Variants in LMX1A observed in about 807,000 individuals in gnomAD.
LMX1A encodes the protein LIM homeobox transcription factor 1 alpha.
LMX1A carries 15 observed loss-of-function variants against 49.1 expected under a neutral mutation model. The observed-to-expected ratio is 0.31, with a 90% CI of 0.20 to 0.47. The LOEUF (loss-of-function observed/expected upper bound fraction) is 0.47. Among genes scored for constraint, LMX1A ranks in the 20% least tolerant of loss-of-function variants. The pLI is 1.00. For synonymous variants in LMX1A, 167 were observed against 185.7 expected, an observed-to-expected ratio of 0.90 and a Z score of 0.82; for missense variants, 372 against 475.8, an observed-to-expected ratio of 0.78 and a Z score of 2.03.
rs1557894913 is a variant in LMX1A, at chr1:165,355,317, G to T, written c.76+167C>A. Reference sequence around the variant, plus strand: ...GCGGCTTGTTGGATTTATTTGGGTAGGGACGACCCACAAGCACTGACGGAC... The same window carrying T: ...GCGGCTTGTTGGATTTATTTGGGTATGGACGACCCACAAGCACTGACGGAC... On this transcript the variant is annotated intron_variant, in intron 2 of 8. Coordinates refer to ENST00000342310, the MANE Select transcript of LMX1A (RefSeq NM_177398.4). The surrounding 1 kb of genome is among the most constrained non-coding windows in gnomAD (Gnocchi z 4.7). Among the ~76,000 whole-genome samples the T allele has an allele frequency of 6.6e-6, 1 of 152,088 alleles. No individual in the cohort carries two copies. Among genetic ancestry groups the T allele is most frequent in the Non-Finnish European group, 1.5e-5 (1 of 68,022 alleles).
At chr1:165,344,019 T>A (rs538891724) in intron 3 of LMX1A, among the ~76,000 whole-genome samples, 1 of 152,184 alleles carries the variant, frequency 6.6e-6, no homozygotes, top group Non-Finnish European at 1.5e-5. Flanking sequence ...CAAAGTAATA[T>A]GAACCATAAA....
intron 3 of LMX1A, among the ~76,000 whole-genome samples, chr1:165,277,264 T>TCACC (rs1165154962): frequency 6.6e-6 from 1 of 151,904 alleles, no homozygotes. Flanking sequence ...AAGGTGGGGG[T>TCACC]CAGAAAGGCT....
chr1:165,333,955 T>A (rs367680650), intron 3 of LMX1A, among the ~76,000 whole-genome samples: 1 of 152,236 alleles, frequency 6.6e-6, no homozygotes, highest in South Asian at 2.1e-4. Context: ...TTGCATAGAA[T>A]GTCTCATTTG....
At position 165,346,348 on chromosome 1, in the gene LMX1A, T is replaced by A. The variant is rs1300028764; in HGVS notation, c.263+6728A>T. Among the ~76,000 whole-genome samples, 5 of 152,342 alleles carry A rather than the reference T, an allele frequency of 3.3e-5. No homozygotes were observed. The South Asian group carries it at 1.0e-3, about 32-fold the overall frequency. ...TGGAATCTTGAAAGGCTGGAAGAGATCAAACTCTTTCATGTGACTTCAGTT... is the reference window on the plus strand; with the variant it reads ...TGGAATCTTGAAAGGCTGGAAGAGAACAAACTCTTTCATGTGACTTCAGTT... On this transcript the variant is annotated intron_variant, in intron 3 of 8. Coordinates refer to ENST00000342310, the MANE Select transcript of LMX1A (RefSeq NM_177398.4).
chr1:165,251,962 G>A (rs923848440), intron 3 of LMX1A, among the ~76,000 whole-genome samples: 4 of 152,162 alleles, frequency 2.6e-5, no homozygotes, highest in African/African-American at 7.2e-5. Context: ...ATCTTGGGCA[G>A]GTTGTTTAGC....
At chr1:165,214,209 A>T (rs1420471160) in intron 4 of LMX1A, among the ~76,000 whole-genome samples, 1 of 152,114 alleles carries the variant, frequency 6.6e-6, no homozygotes. Context: ...TGTGATAGTG[A>T]GTGAGTTCTC....
chr1:165,223,556 T>C (rs1189359414), intron 4 of LMX1A, among the ~76,000 whole-genome samples: 3 of 151,910 alleles, frequency 2.0e-5, no homozygotes, highest in Non-Finnish European at 4.4e-5. Context: ...ACTGCAGGAG[T>C]GAGAAAGGCT....
intron 3 of LMX1A, among the ~76,000 whole-genome samples, chr1:165,337,888 C>G (rs2348500): frequency 0.026 from 3,782 of 147,014 alleles, 178 homozygotes; most frequent in African/African-American, 0.092. Flanking sequence ...GTGTGTGTTT[C>G]TGTGTGTGTG....
At chr1:165,265,675 A>G (rs935170479) in intron 3 of LMX1A, among the ~76,000 whole-genome samples, 1 of 152,210 alleles carries the variant, frequency 6.6e-6, no homozygotes, top group Non-Finnish European at 1.5e-5. Flanking sequence ...TGCTATTGTC[A>G]TTGAAATGTA....
chr1:165,214,718 G>C (rs1651576959), intron 4 of LMX1A, among the ~76,000 whole-genome samples: 2 of 152,196 alleles, frequency 1.3e-5, no homozygotes, highest in Admixed American at 6.5e-5. Context: ...AAAAGCATTA[G>C]ATTACCTGCC....
chr1:165,312,060 A>C (rs1221954369), intron 3 of LMX1A, among the ~76,000 whole-genome samples: 1 of 152,162 alleles, frequency 6.6e-6, no homozygotes, highest in Non-Finnish European at 1.5e-5. Context: ...GACAAATGAT[A>C]ATTGCTTCTG....
At chr1:165,268,526 A>G (rs1394733276) in intron 3 of LMX1A, among the ~76,000 whole-genome samples, 1 of 152,232 alleles carries the variant, frequency 6.6e-6, no homozygotes, top group African/African-American at 2.4e-5. Flanking sequence ...ATATTCCCAC[A>G]TCTAATGCCA....
intron 3 of LMX1A, among the ~76,000 whole-genome samples, chr1:165,304,926 C>T (rs961080627): frequency 3.3e-5 from 5 of 152,234 alleles, no homozygotes; most frequent in Non-Finnish European, 7.3e-5. Flanking sequence ...TCCCCCACCA[C>T]CTGCCCCACA....
rs1046183780 is a variant in LMX1A, at chr1:165,202,147, G to C, written c.*1733C>G. 2.0e-5 allele frequency: 3 copies of C among 152,510 alleles called. No homozygotes were observed. The highest frequency in any genetic ancestry group is 4.4e-5 in the Non-Finnish European group (3 of 68,036). The allele number at this position is 152,510 out of a possible 1,614,324, so 9.4% of individuals were successfully genotyped here. On this transcript the variant is annotated 3_prime_UTR_variant, in exon 9 of 9. Coordinates refer to ENST00000342310, the MANE Select transcript of LMX1A (RefSeq NM_177398.4). ...CTGGCCTTGCCAGAGTGATAGGGAC[G>C]TGTCTCTGTGTTCAAGTCTCCAATG...
At chr1:165,227,901 C>G (rs1437014553) in intron 4 of LMX1A, among the ~76,000 whole-genome samples, 3 of 152,068 alleles carry the variant, frequency 2.0e-5, no homozygotes, top group Admixed American at 1.3e-4. Context: ...GATAGTCATA[C>G]AAGCAGATAA....
Position 165,203,801 on chromosome 1 carries a change from C to G in LMX1A, c.*79G>C. On this transcript the variant is annotated 3_prime_UTR_variant, in exon 9 of 9. Transcript: ENST00000342310. ...CCCAACCCACCTCTTCCCTGGCCTC[C>G]CTGTCCTAAAGCCAGTGACCCCTCA... The G allele has an allele frequency of 7.0e-7, 1 of 1,437,234 alleles. No homozygotes were observed. The allele number at this position is 1,437,234 out of a possible 1,614,324, so 89.0% of individuals were successfully genotyped here.
intron 4 of LMX1A, among the ~76,000 whole-genome samples, chr1:165,243,044 GATA>G (rs927418995): frequency 2.6e-5 from 4 of 152,020 alleles, no homozygotes; most frequent in Admixed American, 6.6e-5. Context: ...CATGAAATGG[GATA>G]ATGTCTATCG....
At chr1:165,350,924 A>G (rs1359056426) in intron 3 of LMX1A, among the ~76,000 whole-genome samples, 1 of 152,222 alleles carries the variant, frequency 6.6e-6, no homozygotes, top group Non-Finnish European at 1.5e-5. Context: ...TCTGGCTAAC[A>G]GCTGGCAAGT....
At chr1:165,314,249 A>C (rs1476182504) in intron 3 of LMX1A, among the ~76,000 whole-genome samples, 1 of 152,190 alleles carries the variant, frequency 6.6e-6, no homozygotes, top group African/African-American at 2.4e-5. Flanking sequence ...CTCTAGAACA[A>C]AGCAGAGAGC....
Sources: allele counts gnomAD v4.1 joint callset (sites outside exome capture counted in the v4.1 genomes callset), GRCh38; gene constraint gnomAD v4.1.1; non-coding constraint Gnocchi (gnomAD v3.1); transcripts MANE v1.5; gene names NCBI Gene and HGNC (gene_info 2026-07-23, HGNC 2026-07-21).